GAS2: variants seen among roughly 807,000 people sequenced by gnomAD.
The protein encoded by GAS2 is growth arrest specific 2.
Under a neutral mutation model 37.5 loss-of-function variants are expected in GAS2, and 20 were observed. The ratio of observed to expected loss-of-function variants is 0.53; its 90% CI spans 0.37 to 0.77. The LOEUF is 0.77. Ranked by LOEUF, GAS2 falls within the 30% of genes least tolerant of loss-of-function variation. The probability of loss-of-function intolerance (pLI) is 0.00; values close to 1 mark genes in which losing one functional copy is unlikely to be tolerated. For synonymous variants in GAS2, 144 were observed against 132.2 expected, an observed-to-expected ratio of 1.09 and a Z score of -0.61; for missense variants, 336 against 373.4, an observed-to-expected ratio of 0.90 and a Z score of 0.82.
intron 1 of GAS2, among the ~76,000 whole-genome samples, chr11:22,644,784 G>A (rs139680222): frequency 1.1e-3 from 167 of 152,130 alleles, no homozygotes; most frequent in African/African-American, 3.5e-3. Flanking sequence ...ACCACACCTG[G>A]ATAAATTTTT....
At chr11:22,712,426 G>C (rs958776532) in intron 3 of GAS2, among the ~76,000 whole-genome samples, 1 of 152,104 alleles carries the variant, frequency 6.6e-6, no homozygotes, top group Admixed American at 6.5e-5. Context: ...TGCCCCACTG[G>C]GTGGCTAGAT....
intron 1 of GAS2, among the ~76,000 whole-genome samples, chr11:22,657,218 T>C (rs760934998): frequency 1.2e-4 from 19 of 152,212 alleles, no homozygotes; most frequent in Non-Finnish European, 2.8e-4. Flanking sequence ...AAGGTAGGAC[T>C]CTTTGTTACC....
intron 5 of GAS2, among the ~76,000 whole-genome samples, chr11:22,744,358 C>A (rs1404424754): frequency 6.6e-6 from 1 of 152,058 alleles, no homozygotes; most frequent in Non-Finnish European, 1.5e-5. Context: ...AAGAAAACTA[C>A]AGGCCAATAT....
At chr11:22,731,390 GA>G in intron 4 of GAS2, 1 of 444,978 alleles carries the variant, frequency 2.2e-6, no homozygotes, top group Non-Finnish European at 4.5e-6. Flanking sequence ...TACTCAACAA[GA>G]AAAGGGTTTG....
chr11:22,628,735 G>A (rs1858699847), intron 1 of GAS2, among the ~76,000 whole-genome samples: 1 of 151,964 alleles, frequency 6.6e-6, no homozygotes, highest in African/African-American at 2.4e-5. Context: ...CCCTCTAACT[G>A]AGTAGTGTAC....
At chr11:22,790,713 T>A (rs1195349306) in intron 7 of GAS2, among the ~76,000 whole-genome samples, 3 of 151,994 alleles carry the variant, frequency 2.0e-5, no homozygotes, top group Admixed American at 6.6e-5. Context: ...TCCGCCCATC[T>A]TGGCCTCCCA....
intron 7 of GAS2, among the ~76,000 whole-genome samples, chr11:22,758,053 T>C (rs1854146742): frequency 6.6e-6 from 1 of 152,218 alleles, no homozygotes; most frequent in Non-Finnish European, 1.5e-5. Context: ...TTTCAGTTTG[T>C]GGTAGGGACT....
chr11:22,640,308 T>A (rs1858894167), intron 1 of GAS2, among the ~76,000 whole-genome samples: 1 of 152,170 alleles, frequency 6.6e-6, no homozygotes, highest in Admixed American at 6.5e-5. Flanking sequence ...ATTCTACAAA[T>A]TAGAGCTTCA....
chr11:22,663,181 T>G (rs932554366), upstream of GAS2, among the ~76,000 whole-genome samples: 1 of 152,076 alleles, frequency 6.6e-6, no homozygotes, highest in Non-Finnish European at 1.5e-5. Context: ...GAGAACAGCA[T>G]GCGGGAAACG....
chr11:22,706,210 A>C (rs1316257148), intron 3 of GAS2, among the ~76,000 whole-genome samples: 1 of 152,160 alleles, frequency 6.6e-6, no homozygotes, highest in Non-Finnish European at 1.5e-5. Flanking sequence ...ATGGATTGGA[A>C]AGGAGAAGTG....
chr11:22,726,293 A>G lies in GAS2; in HGVS notation c.269A>G (p.Asn90Ser), dbSNP rs1565111930. ...ESMDANKPTK[N>S]LPLKKIPCKT... is the part of the protein sequence containing the mutation. ...AGAACGAATTTCTTTATTTTTCAGAATCTACCGTTGAAGAAGATCCCATGC... is the reference window on the plus strand; with the variant it reads ...AGAACGAATTTCTTTATTTTTCAGAGTCTACCGTTGAAGAAGATCCCATGC... The change falls in exon 4 of 8, where the codon AAT becomes AGT. Residue 90 changes from asparagine to serine, a missense_variant and splice_region_variant. Asn to Ser is a conservative substitution (Grantham distance 46, BLOSUM62 1). Transcript: ENST00000454584. 6 of 1,593,972 alleles carry G rather than the reference A, an allele frequency of 3.8e-6. No individual in the cohort carries two copies. The highest frequency in any genetic ancestry group is 4.5e-5 in the East Asian group (2 of 44,694).
chr11:22,803,747 A>G (rs941663928), intron 7 of GAS2, among the ~76,000 whole-genome samples: 17 of 152,168 alleles, frequency 1.1e-4, no homozygotes, highest in Non-Finnish European at 2.5e-4. Context: ...GAGTTTGCAT[A>G]TATGAGATTC....
chr11:22,744,344 A>T (rs961710261), intron 5 of GAS2, among the ~76,000 whole-genome samples: 2 of 152,092 alleles, frequency 1.3e-5, no homozygotes, highest in Non-Finnish European at 2.9e-5. Context: ...AGACACAATG[A>T]AAAAAGAAAA....
intron 1 of GAS2, among the ~76,000 whole-genome samples, chr11:22,657,609 A>C (rs916504846): frequency 4.6e-5 from 7 of 152,160 alleles, no homozygotes; most frequent in African/African-American, 1.7e-4. Flanking sequence ...TCTAAATACA[A>C]ACAAGGCAAG....
At chr11:22,813,009 C>T (rs1857257840), downstream of GAS2, 1 of 152,542 alleles carries the variant, frequency 6.6e-6, no homozygotes, top group Admixed American at 6.6e-5. Context: ...TTATCTGTCT[C>T]TAAATCAATG....
upstream of GAS2, among the ~76,000 whole-genome samples, chr11:22,663,113 A>G (rs1848933299): frequency 6.6e-6 from 1 of 152,090 alleles, no homozygotes; most frequent in African/African-American, 2.4e-5. Flanking sequence ...AGAAAGAGAG[A>G]GGGGAAGTGC....
rs372744941 is a variant in GAS2, at chr11:22,770,119, G to A, written c.723+14166G>A. Among the ~76,000 whole-genome samples the A allele has an allele frequency of 1.4e-3, 207 of 152,248 alleles. 2 individuals carry two copies. The highest frequency in any genetic ancestry group is 4.2e-3 in the African/African-American group (173 of 41,542). ...CAATGAAAACATATGGACAAGGGCA[G>A]GGGAACAACACACACTGGGGCCTGT... is the stretch of plus-strand genomic sequence containing the variant. On this transcript the variant is annotated intron_variant, in intron 7 of 7. Coordinates refer to ENST00000454584, the MANE Select transcript of GAS2 (RefSeq NM_001143830.3).
intron 1 of GAS2, among the ~76,000 whole-genome samples, chr11:22,638,611 G>A (rs1858870678): frequency 6.6e-6 from 1 of 152,104 alleles, no homozygotes; most frequent in Non-Finnish European, 1.5e-5. Flanking sequence ...CTCTCAAAGT[G>A]CTGGGATTAC....
chr11:22,720,546 A>C (rs1316644811), intron 3 of GAS2, among the ~76,000 whole-genome samples: 1 of 152,054 alleles, frequency 6.6e-6, no homozygotes, highest in Non-Finnish European at 1.5e-5. Context: ...TATTTTTTCT[A>C]TTAAATATAC....
Sources: allele counts gnomAD v4.1 joint callset (sites outside exome capture counted in the v4.1 genomes callset), GRCh38; gene constraint gnomAD v4.1.1; transcripts MANE v1.5; gene names NCBI Gene and HGNC (gene_info 2026-07-23, HGNC 2026-07-21).